The following ADAMTSL2 variants were observed in gnomAD, a reference collection of about 807,000 sequenced individuals.
The protein encoded by ADAMTSL2 is ADAMTS-like protein 2.
ADAMTSL2 carries 55 observed loss-of-function variants against 117.0 expected under a neutral mutation model. The ratio of observed to expected loss-of-function variants is 0.47; its 90% CI spans 0.38 to 0.59. ADAMTSL2 has a LOEUF of 0.59. Ranked by LOEUF, ADAMTSL2 falls within the 20% of genes least tolerant of loss-of-function variation. The pLI, the probability that ADAMTSL2 is intolerant of heterozygous loss-of-function variation, is 0.00. For synonymous variants in ADAMTSL2, 572 were observed against 566.4 expected, an observed-to-expected ratio of 1.01 and a Z score of -0.14; for missense variants, 1,182 against 1,354.5, an observed-to-expected ratio of 0.87 and a Z score of 2.00.
chr9:133,556,788 T>G (rs35457992), intron 11 of ADAMTSL2, among the ~76,000 whole-genome samples: 86,300 of 152,060 alleles, frequency 0.57, 25,412 homozygotes, highest in African/African-American at 0.66. Flanking sequence ...AGCTTCCCTG[T>G]GTCAGGGGCC....
At position 133,555,770 on chromosome 9, in the gene ADAMTSL2, G is replaced by A. The variant is rs913093806; in HGVS notation, c.1489G>A (p.Val497Met). 3.8e-5 allele frequency: 61 copies of A among 1,613,910 alleles called. No individual in the cohort carries two copies. In the Admixed American group the frequency reaches 8.5e-4, roughly 22 times the overall value. Residue 497 changes from valine to methionine, a missense_variant, in exon 11 of 19, where the codon GTG becomes ATG. Physicochemically the swap from Val to Met is conservative, Grantham distance 21. This residue lies in a region of ADAMTSL2 where 345 missense variants were observed against 325.8 expected (regional missense o/e 1.06). Transcript: ENST00000651351. ...GAGCTCCCTGGCCGAGAGCTTCTTCGTGGATTATGAGGAGAACGAGGGGGC... is the reference window on the plus strand; with the variant it reads ...GAGCTCCCTGGCCGAGAGCTTCTTCATGGATTATGAGGAGAACGAGGGGGC... ...PRSSLAESFF[V>M]DYEENEGAGP...
upstream of ADAMTSL2, among the ~76,000 whole-genome samples, chr9:133,533,748 G>A (rs1010929304): frequency 6.6e-6 from 1 of 152,196 alleles, no homozygotes; most frequent in Non-Finnish European, 1.5e-5. Flanking sequence ...GCACTGCTGT[G>A]GGCCCAGGAC....
chr9:133,572,968 G>A (rs959876547), intron 17 of ADAMTSL2, among the ~76,000 whole-genome samples: 1 of 152,300 alleles, frequency 6.6e-6, no homozygotes, highest in East Asian at 1.9e-4. Flanking sequence ...CGCCGTCAGC[G>A]CCAAGCCAGC....
At chr9:133,538,260 T>A (rs1005834215) in intron 3 of ADAMTSL2, 89 bp from the exon 4 acceptor site, 2 of 1,503,426 alleles carry the variant, frequency 1.3e-6, no homozygotes, top group African/African-American at 2.8e-5. Context: ...ATCGGGAGAT[T>A]CTGGATCCCA....
Position 133,536,752 on chromosome 9 carries a change from C to T in ADAMTSL2, c.40C>T (p.Leu14=). 1 of 1,614,218 alleles carries T rather than the reference C, an allele frequency of 6.2e-7. No individual in the cohort carries two copies. Among genetic ancestry groups the T allele is most frequent in the African/African-American group, 1.3e-5 (1 of 75,058 alleles). ...GCAATGTTCCTGCTGGGCCTGGTTC[C>T]TGCTGGTTCTGGCAGTTGTAGCTGG... is the stretch of plus-strand genomic sequence containing the variant. ...RWQCSCWAWF[L]LVLAVVAGDT... The change falls in exon 2 of 19, where the codon CTG becomes TTG. Residue 14 remains leucine, a synonymous_variant. Coordinates refer to ENST00000651351, the MANE Select transcript of ADAMTSL2 (RefSeq NM_014694.4).
rs1830063256 is a variant in ADAMTSL2, at chr9:133,536,792, C to T, written c.80C>T (p.Thr27Ile). 3 of 1,614,098 alleles carry T rather than the reference C, an allele frequency of 1.9e-6. No individual in the cohort carries two copies. The highest frequency in any genetic ancestry group is 4.5e-5 in the East Asian group (2 of 44,890). ...GTTGTAGCTGGGGACACAGTGTCAA[C>T]CGGGTCCACGGTGAGTGGGGTGTTG... ...LAVVAGDTVS[T>I]GSTDNSPTSN... Residue 27 changes from threonine to isoleucine, a missense_variant, in exon 2 of 19, where the codon ACC (threonine) becomes ATC (isoleucine). By Grantham distance (89) the Thr-to-Ile change is moderately conservative. Transcript: ENST00000651351.
chr9:133,536,480 C>T (rs1467731814), intron 1 of ADAMTSL2, 83 bp from the exon 2 acceptor site: 1 of 1,476,026 alleles, frequency 6.8e-7, no homozygotes, highest in Non-Finnish European at 9.0e-7. Context: ...GGGTGTCTTG[C>T]CTGAAGCAGG....
chr9:133,565,839 C>CCCCA (rs1830958733), intron 12 of ADAMTSL2, among the ~76,000 whole-genome samples: 1 of 143,976 alleles, frequency 6.9e-6, no homozygotes, highest in African/African-American at 2.6e-5. Flanking sequence ...TCTCCCGTGG[C>CCCCA]CACACACACA....
Position 133,568,421 on chromosome 9 carries a change from G to A in ADAMTSL2, c.2023G>A (p.Glu675Lys), listed in dbSNP as rs1477694170. 22 of 1,608,774 alleles carry A rather than the reference G, an allele frequency of 1.4e-5. No homozygotes were observed. Among genetic ancestry groups the A allele is most frequent in the South Asian group, 6.6e-5 (6 of 90,348 alleles). ...CGAGGCAGCCGAGGCCGTGCGGCCC[G>A]AGGAACGCAAGACCTGCCGGAACCC... Reference protein sequence around the residue: ...LCEAAEAVRPEERKTCRNPAC... With the variant: ...LCEAAEAVRPKERKTCRNPAC... The change falls in exon 14 of 19, where the codon GAG becomes AAG. Residue 675 changes from glutamate to lysine, a missense_variant. Physicochemically the swap from Glu to Lys is moderately conservative, Grantham distance 56. Around this residue, in one of 3 missense-constraint regions of ADAMTSL2, gnomAD observed 465 missense variants for 565.3 expected, o/e 0.82. Coordinates refer to ENST00000651351, the MANE Select transcript of ADAMTSL2 (RefSeq NM_014694.4).
At chr9:133,547,267 A>G in intron 9 of ADAMTSL2, 54 bp downstream of exon 9, 1 of 1,560,740 alleles carries the variant, frequency 6.4e-7, no homozygotes, top group African/African-American at 1.4e-5. Context: ...CTGTTTCCCC[A>G]GAATCCAGCC....
upstream of ADAMTSL2, among the ~76,000 whole-genome samples, chr9:133,532,903 C>T (rs141997409): frequency 5.8e-3 from 886 of 152,270 alleles, 9 homozygotes; most frequent in Non-Finnish European, 0.01. Context: ...AGGTGGCCAG[C>T]CTGCAGCCTG....
chr9:133,574,476 GA>G (rs1359769871), intron 18 of ADAMTSL2, among the ~76,000 whole-genome samples: 1 of 152,142 alleles, frequency 6.6e-6, no homozygotes, highest in Non-Finnish European at 1.5e-5. Flanking sequence ...AACCCTTGGG[GA>G]TGCTTAGGCC....
chr9:133,545,398 C>A (rs1830324655), intron 8 of ADAMTSL2, among the ~76,000 whole-genome samples: 2 of 152,218 alleles, frequency 1.3e-5, no homozygotes. Context: ...AGCCCATCTC[C>A]TAAGGGGGTG....
chr9:133,544,649 A>G (rs1830306430), intron 8 of ADAMTSL2, 99 bp downstream of exon 8: 3 of 1,047,326 alleles, frequency 2.9e-6, no homozygotes, highest in Non-Finnish European at 4.5e-6. Flanking sequence ...CCCTTCCTCC[A>G]GGACAGGGAT....
intron 12 of ADAMTSL2, among the ~76,000 whole-genome samples, chr9:133,566,334 G>A (rs71505206): frequency 0.056 from 8,504 of 152,252 alleles, 299 homozygotes; most frequent in South Asian, 0.11. Context: ...CCAGCTACTC[G>A]GGAGGCTGAG....
chr9:133,536,427 C>T, intron 1 of ADAMTSL2, 136 bp from the exon 2 acceptor site: 1 of 1,305,732 alleles, frequency 7.7e-7, no homozygotes, highest in Non-Finnish European at 1.0e-6. Flanking sequence ...CCTGCATGCC[C>T]TTGGATCAAG....
chr9:133,571,737 A>G (rs1021233209), intron 17 of ADAMTSL2, among the ~76,000 whole-genome samples: 29 of 152,290 alleles, frequency 1.9e-4, no homozygotes, highest in Admixed American at 7.2e-4. Flanking sequence ...TGGCAATGCC[A>G]TGAGCTTCTG....
At chr9:133,573,195 T>C (rs1831151348) in intron 17 of ADAMTSL2, among the ~76,000 whole-genome samples, 1 of 152,038 alleles carries the variant, frequency 6.6e-6, no homozygotes, top group East Asian at 1.9e-4. Flanking sequence ...TCACCCACAT[T>C]GGGGGGAGTG....
rs2131141874 is a variant in ADAMTSL2, at chr9:133,555,798, G to A, written c.1517G>A (p.Gly506Asp). ...GATTATGAGGAGAACGAGGGGGCTGGCCCTTACCTGCTCAACGGGTCCTAC... is the reference window on the plus strand; with the variant it reads ...GATTATGAGGAGAACGAGGGGGCTGACCCTTACCTGCTCAACGGGTCCTAC... ...FVDYEENEGAGPYLLNGSYLE... is the reference protein window; with the variant it reads ...FVDYEENEGADPYLLNGSYLE... Residue 506 changes from glycine (G) to aspartate (D), a missense_variant, in exon 11 of 19, where the codon GGC becomes GAC. Gly to Asp is a moderately conservative substitution (Grantham distance 94). Coordinates refer to ENST00000651351, the MANE Select transcript of ADAMTSL2 (RefSeq NM_014694.4). 6.2e-7 allele frequency: 1 copy of A among 1,613,948 alleles called. No individual in the cohort carries two copies. Among genetic ancestry groups the A allele is most frequent in the Non-Finnish European group, 8.5e-7 (1 of 1,180,038 alleles).
Sources: gnomAD v4.1 joint callset for allele counts (sites outside exome capture counted in the v4.1 genomes callset) on GRCh38, gnomAD v4.1.1 for gene constraint, gnomAD v4.1.1 regional missense constraint, MANE v1.5 for transcripts, NCBI Gene and HGNC (gene_info 2026-07-23, HGNC 2026-07-21) for gene names.